The following TBX2 variants were observed in gnomAD, a reference collection of about 807,000 sequenced individuals.
TBX2 encodes the protein T-box transcription factor 2.
Under a neutral mutation model 48.4 loss-of-function variants are expected in TBX2, and 19 were observed. The ratio of observed to expected loss-of-function variants is 0.39; its 90% confidence interval spans 0.27 to 0.58. The LOEUF (loss-of-function observed/expected upper bound fraction) is 0.58, where lower values mean the gene tolerates loss of function less well. Among genes scored for constraint, TBX2 ranks in the 20% least tolerant of loss-of-function variants. TBX2 has a pLI of 0.54. For missense variants in TBX2, 994 were observed against 1,006.5 expected (o/e 0.99, Z 0.17); for synonymous variants, 522 against 459.7 (o/e 1.14, Z -1.73).
Position 61,400,047 on chromosome 17 carries a change from C to G in TBX2, c.-130C>G, listed in dbSNP as rs1421342422. 1.6e-5 allele frequency: 5 copies of G among 316,718 alleles called. No individual in the cohort carries two copies. The highest frequency in any genetic ancestry group is 2.3e-5 in the African/African-American group (1 of 44,060). The allele number at this position is 316,718 out of a possible 1,614,324, so 19.6% of individuals were successfully genotyped here. On this transcript the variant is annotated 5_prime_UTR_variant, in exon 1 of 7. Coordinates refer to ENST00000240328, the MANE Select transcript of TBX2 (RefSeq NM_005994.4). This position sits in a 1 kb window ranked among gnomAD's most constrained non-coding sequence, Gnocchi z 9.2. ...TTGCGGTGCGCCGGACGGGAAGCCC[C>G]GAGGAGCAGCTGCTGCGCCCGCCAC...
intron 2 of TBX2, 25 bp downstream of exon 2, chr17:61,401,976 C>A: frequency 6.4e-7 from 1 of 1,572,986 alleles, no homozygotes; most frequent in African/African-American, 1.3e-5. Context: ...AGGGTGGGGA[C>A]GGTGCAGGAG....
chr17:61,405,044 T>G, intron 5 of TBX2, 158 bp from the exon 6 acceptor site: 1 of 1,449,428 alleles, frequency 6.9e-7, no homozygotes, highest in Non-Finnish European at 9.3e-7. Context: ...CCACTGTAAA[T>G]CTGGGGTCTT....
At chr17:61,402,130 C>T (rs941739239) in intron 2 of TBX2, among the ~76,000 whole-genome samples, 179 bp downstream of exon 2, 3 of 152,252 alleles carry the variant, frequency 2.0e-5, no homozygotes, top group South Asian at 2.1e-4. Context: ...TGGGCCCCAG[C>T]GCTCTCCTTT....
Position 61,402,050 on chromosome 17 carries a change from G to A in TBX2, c.663+99G>A, listed in dbSNP as rs1303140610. On this transcript the variant is annotated intron_variant, in intron 2 of 6. Transcript: ENST00000240328. ...GCGGCAGGATCTCCCAGGGGGAAGCGCTGGGCAAACCCCCAGAGTGCCCCT... is the reference window on the plus strand; with the variant it reads ...GCGGCAGGATCTCCCAGGGGGAAGCACTGGGCAAACCCCCAGAGTGCCCCT... The A allele has an allele frequency of 3.4e-6, 5 of 1,480,618 alleles. No homozygotes were observed. The South Asian group carries it at 4.1e-5, about 12-fold the overall frequency. 91.7% of individuals were successfully genotyped at this position (1,480,618 alleles called of 1,614,324 possible).
rs933285389 is a variant in TBX2 at position 61,405,117 on chromosome 17, C to A, written c.1052-85C>A. ...AGCAGCTCCTCCGACTCGGCCTCCC[C>A]GAGAGCAGCCCTTCCCGAGTGTCCC... On this transcript the variant is annotated intron_variant, in intron 5 of 6. Coordinates refer to ENST00000240328, the MANE Select transcript of TBX2 (RefSeq NM_005994.4). 3 of 1,492,384 alleles carry A rather than the reference C, an allele frequency of 2.0e-6. No individual in the cohort carries two copies. In the South Asian group the frequency reaches 3.9e-5, roughly 20 times the overall value. 92.4% of individuals were successfully genotyped at this position (1,492,384 alleles called of 1,614,324 possible).
rs2060286822 is a variant in TBX2, at chr17:61,405,852, C to T, written c.1686+16C>T. Reference sequence around the variant, plus strand: ...GGCATCTCAGGTAAGGCCTGTGACCCCGCGGCAGCGCCAGCGAGGGAGAAG... The same window carrying T: ...GGCATCTCAGGTAAGGCCTGTGACCTCGCGGCAGCGCCAGCGAGGGAGAAG... On this transcript the variant is annotated intron_variant, in intron 6 of 6. Transcript: ENST00000240328. 3.1e-6 allele frequency: 4 copies of T among 1,292,550 alleles called. No individual in the cohort carries two copies. The highest frequency in any genetic ancestry group is 3.3e-5 in the South Asian group (1 of 30,644). The allele number at this position is 1,292,550 out of a possible 1,614,324, so 80.1% of individuals were successfully genotyped here.
At position 61,403,429 on chromosome 17, in the gene TBX2, G is replaced by A. The variant is rs2060273585; in HGVS notation, c.810+222G>A. 6.6e-6 allele frequency among the ~76,000 whole-genome samples: 1 copy of A among 152,272 alleles called. No individual in the cohort carries two copies. Among genetic ancestry groups the A allele is most frequent in the Non-Finnish European group, 1.5e-5 (1 of 68,050 alleles). Reference sequence around the variant, plus strand: ...GCGCACACACAGGCTCCCCTGGGGCGAGCGAACAGCTGGGCCGTCGTTCTG... The same window carrying A: ...GCGCACACACAGGCTCCCCTGGGGCAAGCGAACAGCTGGGCCGTCGTTCTG... On this transcript the variant is annotated intron_variant, in intron 3 of 6. Coordinates refer to ENST00000240328, the MANE Select transcript of TBX2 (RefSeq NM_005994.4). This position sits in a 1 kb window ranked among gnomAD's most constrained non-coding sequence, Gnocchi z 5.8.
rs1283743763 is a variant in TBX2, at chr17:61,405,369, G to A, written c.1219G>A (p.Glu407Lys). 3.9e-6 allele frequency: 6 copies of A among 1,547,532 alleles called. No homozygotes were observed. In the Admixed American group the frequency reaches 7.8e-5, roughly 20 times the overall value. ...RERRSPERGK[E>K]PAESGGDGPF... Reference sequence around the variant, plus strand: ...GCGGCGTAGTCCCGAGAGGGGCAAGGAGCCGGCCGAGAGCGGCGGGGACGG... The same window carrying A: ...GCGGCGTAGTCCCGAGAGGGGCAAGAAGCCGGCCGAGAGCGGCGGGGACGG... Residue 407 changes from glutamate to lysine, a missense_variant, in exon 6 of 7, where the codon GAG becomes AAG. Transcript: ENST00000240328.
chr17:61,405,294 C>G lies in TBX2; in HGVS notation c.1144C>G (p.Pro382Ala), dbSNP rs2060283775. The G allele has an allele frequency of 6.4e-7, 1 of 1,557,522 alleles. No homozygotes were observed. The highest frequency in any genetic ancestry group is 1.9e-5 in the Admixed American group (1 of 53,856). Residue 382 changes from proline (P) to alanine (A), a missense_variant, in exon 6 of 7, where the codon CCA becomes GCA. This residue lies in a region of TBX2 where 639 missense variants were observed against 613.2 expected (regional missense o/e 1.04). Transcript: ENST00000240328. The part of the protein sequence containing the change: ...AGAPLGRSPA[P>A]DSASPTRLTE... The stretch of plus-strand genomic sequence containing the variant: ...GGCGCCGCTAGGCCGCAGCCCGGCT[C>G]CAGACAGCGCCAGCCCCACTCGCTT...
rs779016245 is a variant in TBX2 at position 61,408,373 on chromosome 17, C to A, written c.2006C>A (p.Ala669Asp). 1 of 1,573,148 alleles carries A rather than the reference C, an allele frequency of 6.4e-7. No individual in the cohort carries two copies. Among genetic ancestry groups the A allele is most frequent in the Non-Finnish European group, 8.6e-7 (1 of 1,160,382 alleles). The stretch of plus-strand genomic sequence containing the variant: ...GAGCTGGCTCTCCGCAAAGTAGGGG[C>A]CCCATCCCGCGGTGCCCTGTCGCCC... ...LPELALRKVG[A>D]PSRGALSPSG... The change falls in exon 7 of 7, where the codon GCC becomes GAC. Residue 669 changes from alanine to aspartate, a missense_variant. Transcript: ENST00000240328.
chr17:61,408,648 G>A lies in TBX2; in HGVS notation c.*142G>A, dbSNP rs1448241058. 6.6e-6 allele frequency: 5 copies of A among 760,752 alleles called. No individual in the cohort carries two copies. Among genetic ancestry groups the A allele is most frequent in the Non-Finnish European group, 9.4e-6 (5 of 532,090 alleles). 47.1% of individuals were successfully genotyped at this position (760,752 alleles called of 1,614,324 possible). A position where few individuals can be genotyped will look rare whatever the true frequency, so the allele number is the denominator to read the frequency against. ...CAGCAGCCGGAATAGAGCCTCGTCTGGCAAGTCGGGGCCTGGGACACTTCC... is the reference window on the plus strand; with the variant it reads ...CAGCAGCCGGAATAGAGCCTCGTCTAGCAAGTCGGGGCCTGGGACACTTCC... On this transcript the variant is annotated 3_prime_UTR_variant, in exon 7 of 7. Coordinates refer to ENST00000240328, the MANE Select transcript of TBX2 (RefSeq NM_005994.4).
Position 61,400,174 on chromosome 17 carries a change from C to T in TBX2, c.-3C>T. The T allele has an allele frequency of 9.0e-7, 1 of 1,106,710 alleles. No homozygotes were observed. Among genetic ancestry groups the T allele is most frequent in the South Asian group, 2.4e-5 (1 of 42,548 alleles). The allele number at this position is 1,106,710 out of a possible 1,614,324, so 68.6% of individuals were successfully genotyped here. ...CCCCCGGGCGCCTGGGCCGGATGTCCCGATGAGAGAGCCGGCGCTGGCGGC... is the reference window on the plus strand; with the variant it reads ...CCCCCGGGCGCCTGGGCCGGATGTCTCGATGAGAGAGCCGGCGCTGGCGGC... On this transcript the variant is annotated 5_prime_UTR_variant, in exon 1 of 7. Coordinates refer to ENST00000240328, the MANE Select transcript of TBX2 (RefSeq NM_005994.4). This position sits in a 1 kb window ranked among gnomAD's most constrained non-coding sequence, Gnocchi z 9.2.
At position 61,403,345 on chromosome 17, in the gene TBX2, T is replaced by C; in HGVS notation, c.810+138T>C. 1 of 1,369,864 alleles carries C rather than the reference T, an allele frequency of 7.3e-7. No individual in the cohort carries two copies. The highest frequency in any genetic ancestry group is 1.3e-5 in the South Asian group (1 of 74,764). The allele number at this position is 1,369,864 out of a possible 1,614,324, so 84.9% of individuals were successfully genotyped here. A position where few individuals can be genotyped will look rare whatever the true frequency, so the allele number is the denominator to read the frequency against. On this transcript the variant is annotated intron_variant, in intron 3 of 6. Transcript: ENST00000240328. This position sits in a 1 kb window ranked among gnomAD's most constrained non-coding sequence, Gnocchi z 5.8. Reference sequence around the variant, plus strand: ...GCGGCCCGCCCCCGAGCACCGAGCCTCGCATCCATACGCGCAGCACTCACG... The same window carrying C: ...GCGGCCCGCCCCCGAGCACCGAGCCCCGCATCCATACGCGCAGCACTCACG...
chr17:61,402,999 A>G (rs2060271045), intron 2 of TBX2, 62 bp from the exon 3 acceptor site: 6 of 1,544,348 alleles, frequency 3.9e-6, no homozygotes, highest in Admixed American at 2.1e-5. Context: ...TCAGGTACCC[A>G]AAGAATAGAA....
rs1442836911 is a variant in TBX2, at chr17:61,400,912, G to C, written c.395+341G>C. 6.6e-6 allele frequency among the ~76,000 whole-genome samples: 1 copy of C among 152,304 alleles called. No individual in the cohort carries two copies. Among genetic ancestry groups the C allele is most frequent in the East Asian group, 1.9e-4 (1 of 5,168 alleles). ...CCGCCCCGCGCTCTCGCTCTTCTGC[G>C]TCCGGGTCCGTCTCCGAGCTCGGGG... On this transcript the variant is annotated intron_variant, in intron 1 of 6. Transcript: ENST00000240328. The surrounding 1 kb of genome is among the most constrained non-coding windows in gnomAD (Gnocchi z 9.2).
Position 61,403,265 on chromosome 17 carries a change from G to A in TBX2, c.810+58G>A. ...CACTGACGCCCCTCAACACGTGCAGGCCCAACCGTCCGTTCATCGCCCCTC... is the reference window on the plus strand; with the variant it reads ...CACTGACGCCCCTCAACACGTGCAGACCCAACCGTCCGTTCATCGCCCCTC... On this transcript the variant is annotated intron_variant, in intron 3 of 6. Coordinates refer to ENST00000240328, the MANE Select transcript of TBX2 (RefSeq NM_005994.4). This position sits in a 1 kb window ranked among gnomAD's most constrained non-coding sequence, Gnocchi z 5.8. 2 of 1,585,184 alleles carry A rather than the reference G, an allele frequency of 1.3e-6. No homozygotes were observed. The highest frequency in any genetic ancestry group is 1.7e-6 in the Non-Finnish European group (2 of 1,172,940).
chr17:61,408,032 C>T lies in TBX2; in HGVS notation c.1687-22C>T, dbSNP rs2240736. ...GACTTCAGGCAAGATGTCTAACCCT[C>T]GTCTTGTTCTGTTTCTTCCAGGGAA... On this transcript the variant is annotated intron_variant, in intron 6 of 6. Coordinates refer to ENST00000240328, the MANE Select transcript of TBX2 (RefSeq NM_005994.4). The T allele has an allele frequency of 0.7, 1,080,915 of 1,546,264 alleles. 383,534 individuals are homozygous for T. Among genetic ancestry groups the T allele is most frequent in the Non-Finnish European group, 0.73 (843,273 of 1,149,930 alleles).
In TBX2 at chr17:61,408,670, T is replaced by C; in HGVS notation, c.*164T>C. 1 of 589,912 alleles carries C rather than the reference T, an allele frequency of 1.7e-6. No homozygotes were observed. Among genetic ancestry groups the C allele is most frequent in the Non-Finnish European group, 2.6e-6 (1 of 380,266 alleles). 36.5% of individuals were successfully genotyped at this position (589,912 alleles called of 1,614,324 possible). On this transcript the variant is annotated 3_prime_UTR_variant, in exon 7 of 7. Coordinates refer to ENST00000240328, the MANE Select transcript of TBX2 (RefSeq NM_005994.4). ...TCTGGCAAGTCGGGGCCTGGGACAC[T>C]TCCCTGGGCCTCAACAAGGATCAGG...
Position 61,403,124 on chromosome 17 carries a change from C to G in TBX2, c.727C>G (p.Leu243Val). Residue 243 changes from leucine (L) to valine (V), a missense_variant, in exon 3 of 7, where the codon CTG becomes GTG. Around this residue, in one of 5 missense-constraint regions of TBX2, gnomAD observed 153 missense variants for 166.2 expected, o/e 0.92. Coordinates refer to ENST00000240328, the MANE Select transcript of TBX2 (RefSeq NM_005994.4). The surrounding 1 kb of genome is among the most constrained non-coding windows in gnomAD (Gnocchi z 5.8). The part of the protein sequence containing the change: ...RFHIVRANDI[L>V]KLPYSTFRTY... ...CCACATAGTGCGAGCCAACGACATC[C>G]TGAAGCTGCCTTACAGCACCTTCCG... 1.9e-6 allele frequency: 3 copies of G among 1,613,892 alleles called. No individual in the cohort carries two copies. Among genetic ancestry groups the G allele is most frequent in the Non-Finnish European group, 2.5e-6 (3 of 1,180,026 alleles).
Sources: allele counts gnomAD v4.1 joint callset (sites outside exome capture counted in the v4.1 genomes callset), GRCh38; gene constraint gnomAD v4.1.1; regional missense constraint gnomAD v4.1.1; non-coding constraint Gnocchi (gnomAD v3.1); transcripts MANE v1.5; gene names NCBI Gene and HGNC (gene_info 2026-07-23, HGNC 2026-07-21).